The following EFCAB6 variants were observed in gnomAD, a reference collection of about 807,000 sequenced individuals.
EFCAB6 encodes EF-hand calcium-binding domain-containing protein 6.
EFCAB6 carries 156 observed loss-of-function variants against 169.8 expected under a neutral mutation model. The observed-to-expected ratio is 0.92, with a 90% CI of 0.81 to 1.05. The LOEUF (loss-of-function observed/expected upper bound fraction) is 1.05. Among genes scored for constraint, EFCAB6 ranks in the 50% least tolerant of loss-of-function variants. EFCAB6 has a pLI of 0.00. For missense variants in EFCAB6, 1,800 were observed against 1,829.1 expected, an observed-to-expected ratio of 0.98 and a Z score of 0.29; for synonymous variants, 698 against 676.4, an observed-to-expected ratio of 1.03 and a Z score of -0.50.
chr22:43,535,283 G>C (rs1330464230), intron 29 of EFCAB6: 1 of 162,642 alleles, frequency 6.1e-6, no homozygotes, highest in Admixed American at 6.4e-5. Context: ...TTCAGACTCA[G>C]CCCTATGACC....
intron 2 of EFCAB6, among the ~76,000 whole-genome samples, chr22:43,792,107 CTAGGAAG>C (rs2062316353): frequency 6.6e-6 from 1 of 152,134 alleles, no homozygotes; most frequent in Non-Finnish European, 1.5e-5. Context: ...TCTCCTTGAA[CTAGGAAG>C]TCAGGTCATC....
chr22:43,695,569 CA>C (rs1230616315), intron 10 of EFCAB6, among the ~76,000 whole-genome samples: 1 of 152,012 alleles, frequency 6.6e-6, no homozygotes, highest in African/African-American at 2.4e-5. Context: ...AGGACTCATA[CA>C]ATCTAATTTC....
intron 6 of EFCAB6, among the ~76,000 whole-genome samples, chr22:43,747,598 C>G (rs145377292): frequency 6.6e-6 from 1 of 152,298 alleles, no homozygotes; most frequent in Non-Finnish European, 1.5e-5. Context: ...GGAGTGCCTA[C>G]GTCCTCCCCG....
chr22:43,628,783 C>T lies in EFCAB6; in HGVS notation c.2233-2104G>A, dbSNP rs1443818285. On this transcript the variant is annotated intron_variant, in intron 19 of 31. Transcript: ENST00000262726. The surrounding 1 kb of genome is among the most constrained non-coding windows in gnomAD (Gnocchi z 4.8). Reference sequence around the variant, plus strand: ...AATGGCACCAGCCCTGACTGGCCTCCCACGATCCTCTACTTTTCTCTTTGG... The same window carrying T: ...AATGGCACCAGCCCTGACTGGCCTCTCACGATCCTCTACTTTTCTCTTTGG... Among the ~76,000 whole-genome samples the T allele has an allele frequency of 1.3e-5, 2 of 152,160 alleles. No individual in the cohort carries two copies. The highest frequency in any genetic ancestry group is 4.8e-5 in the African/African-American group (2 of 41,454).
intron 23 of EFCAB6, among the ~76,000 whole-genome samples, chr22:43,597,523 C>T (rs1215132358): frequency 2.0e-5 from 3 of 152,120 alleles, no homozygotes; most frequent in Admixed American, 6.6e-5. Context: ...ATCAGGGAAA[C>T]GCAAGTTAAA....
At chr22:43,571,919 T>TA (rs1428977342) in intron 26 of EFCAB6, among the ~76,000 whole-genome samples, 3 of 152,336 alleles carry the variant, frequency 2.0e-5, no homozygotes, top group African/African-American at 7.2e-5. Context: ...GTCCTCCTGG[T>TA]AAATGCATGC....
At chr22:43,771,077 C>G (rs990430198) in intron 4 of EFCAB6, among the ~76,000 whole-genome samples, 1 of 152,078 alleles carries the variant, frequency 6.6e-6, no homozygotes, top group African/African-American at 2.4e-5. Flanking sequence ...ACAGCAAATT[C>G]TAAAAGAAGT....
intron 28 of EFCAB6, among the ~76,000 whole-genome samples, chr22:43,538,299 C>T (rs1358073843): frequency 6.6e-6 from 1 of 152,194 alleles, no homozygotes; most frequent in Non-Finnish European, 1.5e-5. Flanking sequence ...CATCCAGAGT[C>T]TCACCAGCAC....
intron 17 of EFCAB6, among the ~76,000 whole-genome samples, chr22:43,638,861 C>T (rs1332031936): frequency 6.7e-6 from 1 of 150,348 alleles, no homozygotes; most frequent in African/African-American, 2.5e-5. Flanking sequence ...TCTCGGCTCA[C>T]CGCAACCTCT....
At chr22:43,609,559 A>T (rs1033598182) in intron 21 of EFCAB6, among the ~76,000 whole-genome samples, 4 of 152,230 alleles carry the variant, frequency 2.6e-5, no homozygotes, top group African/African-American at 9.7e-5. Flanking sequence ...TTACAAAAGG[A>T]ATCAAAAATA....
At chr22:43,539,567 C>T (rs977378773) in intron 28 of EFCAB6, among the ~76,000 whole-genome samples, 11 of 152,022 alleles carry the variant, frequency 7.2e-5, no homozygotes, top group African/African-American at 2.7e-4. Context: ...TTTCTGCAGA[C>T]AAAAAAAGAG....
intron 11 of EFCAB6, among the ~76,000 whole-genome samples, chr22:43,685,350 G>A (rs186360774): frequency 2.6e-5 from 4 of 151,938 alleles, no homozygotes; most frequent in African/African-American, 4.8e-5. Flanking sequence ...AGGGTGCGGG[G>A]GGAAGATTTG....
At chr22:43,580,787 C>G in intron 24 of EFCAB6, 128 bp from the exon 25 acceptor site, 4 of 979,202 alleles carry the variant, frequency 4.1e-6, no homozygotes, top group Non-Finnish European at 6.1e-6. Context: ...CCATTCCCTT[C>G]GCTGTACGTG....
At chr22:43,532,811 G>C (rs1380083836) in intron 30 of EFCAB6, among the ~76,000 whole-genome samples, 2 of 152,140 alleles carry the variant, frequency 1.3e-5, no homozygotes, top group Non-Finnish European at 2.9e-5. Context: ...GGTGGGGTGA[G>C]TGGGAGCGGG....
intron 17 of EFCAB6, among the ~76,000 whole-genome samples, chr22:43,653,696 A>AC (rs1240867399): frequency 6.6e-6 from 1 of 152,176 alleles, no homozygotes; most frequent in Non-Finnish European, 1.5e-5. Flanking sequence ...TGGTAGGGAT[A>AC]CCTAAGTGGT....
intron 2 of EFCAB6, among the ~76,000 whole-genome samples, chr22:43,784,537 G>GTGTGTA (rs1556409899): frequency 1.0e-5 from 1 of 96,212 alleles, no homozygotes; most frequent in Non-Finnish European, 2.0e-5. Flanking sequence ...GTGTGTGTGT[G>GTGTGTA]TGTGTGTATA....
At chr22:43,648,146 T>A (rs533993454) in intron 17 of EFCAB6, among the ~76,000 whole-genome samples, 6 of 152,174 alleles carry the variant, frequency 3.9e-5, no homozygotes, top group Admixed American at 2.6e-4. Context: ...ATGATATATA[T>A]CCTCATTTAA....
chr22:43,581,994 A>T (rs2050756303), intron 24 of EFCAB6, among the ~76,000 whole-genome samples: 1 of 152,212 alleles, frequency 6.6e-6, no homozygotes, highest in Non-Finnish European at 1.5e-5. Flanking sequence ...CAAGTAACAG[A>T]GATGTTTATC....
At chr22:43,677,287 C>G (rs2057800070) in intron 13 of EFCAB6, among the ~76,000 whole-genome samples, 1 of 152,120 alleles carries the variant, frequency 6.6e-6, no homozygotes, top group African/African-American at 2.4e-5. Context: ...GTTGAACCAA[C>G]ATAGGGTACG....
Sources: allele counts gnomAD v4.1 joint callset (sites outside exome capture counted in the v4.1 genomes callset), GRCh38; gene constraint gnomAD v4.1.1; non-coding constraint Gnocchi (gnomAD v3.1); transcripts MANE v1.5; gene names NCBI Gene and HGNC (gene_info 2026-07-23, HGNC 2026-07-21).